Variants in ACBD7 observed in about 807,000 individuals in gnomAD.
ACBD7 encodes the protein acyl-CoA binding domain containing 7.
Under a neutral mutation model 13.7 loss-of-function variants are expected in ACBD7, and 11 were observed. The observed-to-expected ratio is 0.80, with a 90% CI of 0.50 to 1.33. The LOEUF (loss-of-function observed/expected upper bound fraction) is 1.33, where lower values mean the gene tolerates loss of function less well. Ranked by LOEUF, ACBD7 falls within the 40% of genes most tolerant of loss-of-function variation. The pLI, the probability that ACBD7 is intolerant of heterozygous loss-of-function variation, is 0.00. For missense variants in ACBD7, 111 were observed against 103.0 expected, an observed-to-expected ratio of 1.08 and a Z score of -0.33; for synonymous variants, 43 against 37.7, an observed-to-expected ratio of 1.14 and a Z score of -0.51.
intron 1 of ACBD7, among the ~76,000 whole-genome samples, chr10:15,086,580 C>CA (rs1321303555): frequency 6.6e-6 from 1 of 152,018 alleles, no homozygotes; most frequent in East Asian, 1.9e-4. Flanking sequence ...ATAAGTCACG[C>CA]ACAAGAATAT....
intron 1 of ACBD7, among the ~76,000 whole-genome samples, chr10:15,082,622 T>C (rs1351245330): frequency 6.6e-6 from 1 of 152,222 alleles, no homozygotes; most frequent in Non-Finnish European, 1.5e-5. Flanking sequence ...CCTTCCTCTG[T>C]AGGTTTATAG....
At chr10:15,088,657 C>G in intron 1 of ACBD7, 60 bp downstream of exon 1, 2 of 1,578,424 alleles carry the variant, frequency 1.3e-6, no homozygotes, top group Non-Finnish European at 1.7e-6. Flanking sequence ...CCCGGAGCCC[C>G]ACTTAAGCAC....
In ACBD7 at chr10:15,078,295, T is replaced by G; in HGVS notation, c.*235A>C. The G allele has an allele frequency of 1.5e-6, 2 of 1,308,688 alleles. No individual in the cohort carries two copies. Among genetic ancestry groups the G allele is most frequent in the Non-Finnish European group, 2.0e-6 (2 of 1,013,622 alleles). 81.1% of individuals were successfully genotyped at this position (1,308,688 alleles called of 1,614,324 possible). A position where few individuals can be genotyped will look rare whatever the true frequency, so the allele number is the denominator to read the frequency against. Reference sequence around the variant, plus strand: ...CATCCCTTTTTATGGCTCCATAGTATTCCATGGTGTATATGTGCCACATTT... The same window carrying G: ...CATCCCTTTTTATGGCTCCATAGTAGTCCATGGTGTATATGTGCCACATTT... On this transcript the variant is annotated 3_prime_UTR_variant, in exon 4 of 4. Transcript: ENST00000356189.
chr10:15,084,332 C>G (rs536655182), intron 1 of ACBD7, among the ~76,000 whole-genome samples: 1 of 152,270 alleles, frequency 6.6e-6, no homozygotes, highest in Admixed American at 6.5e-5. Context: ...AACGAGCGAG[C>G]AGACTTTAGG....
At position 15,075,703 on chromosome 10, in the gene ACBD7, G is replaced by A. The variant is rs1319639809; in HGVS notation, c.*2827C>T. On this transcript the variant is annotated 3_prime_UTR_variant, in exon 4 of 4. Transcript: ENST00000356189. Reference sequence around the variant, plus strand: ...CTTTCAAGAATCCTGGCTGGACGCGGTGGCTCATGCCTATAGTCTCAGCAC... The same window carrying A: ...CTTTCAAGAATCCTGGCTGGACGCGATGGCTCATGCCTATAGTCTCAGCAC... Among the ~76,000 whole-genome samples the A allele has an allele frequency of 6.6e-6, 1 of 152,142 alleles. No homozygotes were observed. Among genetic ancestry groups the A allele is most frequent in the Non-Finnish European group, 1.5e-5 (1 of 68,020 alleles).
At chr10:15,088,560 C>A (rs1844835767) in intron 1 of ACBD7, 157 bp downstream of exon 1, 2 of 1,000,888 alleles carry the variant, frequency 2.0e-6, no homozygotes, top group Non-Finnish European at 2.8e-6. Context: ...GGCACAGGTG[C>A]GGTCTACACT....
intron 1 of ACBD7, among the ~76,000 whole-genome samples, chr10:15,086,439 C>T (rs1482520045): frequency 6.6e-6 from 1 of 152,202 alleles, no homozygotes; most frequent in Admixed American, 6.5e-5. Flanking sequence ...CTTAATTCCT[C>T]GTTGCAAGTA....
intron 1 of ACBD7, among the ~76,000 whole-genome samples, chr10:15,087,734 C>A (rs999517144): frequency 6.6e-6 from 1 of 151,394 alleles, no homozygotes; most frequent in Non-Finnish European, 1.5e-5. Context: ...GCTGAGATTG[C>A]ACCACTGCAC....
At chr10:15,084,512 C>G (rs1844786952) in intron 1 of ACBD7, among the ~76,000 whole-genome samples, 2 of 152,158 alleles carry the variant, frequency 1.3e-5, no homozygotes, top group Non-Finnish European at 1.5e-5. Flanking sequence ...GCAACAAAAG[C>G]CGAGATTTAC....
At chr10:15,088,055 C>T (rs1400560558) in intron 1 of ACBD7, among the ~76,000 whole-genome samples, 3 of 151,272 alleles carry the variant, frequency 2.0e-5, no homozygotes, top group Non-Finnish European at 2.9e-5. Flanking sequence ...TGAGAAAATG[C>T]TCATATTACT....
chr10:15,076,722 TCGA>T lies in ACBD7; in HGVS notation c.*1805_*1807del. 1 of 911,136 alleles carries T rather than the reference TCGA, an allele frequency of 1.1e-6. No individual in the cohort carries two copies. The highest frequency in any genetic ancestry group is 1.3e-6 in the Non-Finnish European group (1 of 762,578). 56.4% of individuals were successfully genotyped at this position (911,136 alleles called of 1,614,324 possible). ...TTTTGCAATGTTGGTCAGGCTGGTC[TCGA>T]ACTTCTGACCTCAGTAATCCACCTA... is the stretch of plus-strand genomic sequence containing the variant. On this transcript the variant is annotated 3_prime_UTR_variant, in exon 4 of 4. Transcript: ENST00000356189.
chr10:15,086,391 C>A (rs1020643971), intron 1 of ACBD7, among the ~76,000 whole-genome samples: 11 of 152,116 alleles, frequency 7.2e-5, no homozygotes, highest in African/African-American at 2.7e-4. Flanking sequence ...GATGTTAATA[C>A]TTCTTAGCAT....
rs1491536713 is a variant in ACBD7, at chr10:15,079,267, T to TC, written c.13-228dup. ...AATACAGAAAATGTTCGGTTTAACT[T>TC]CTTTTTTTTTTTTTTTTTTTGAGCC... On this transcript the variant is annotated intron_variant, in intron 1 of 3. Transcript: ENST00000356189. Among the ~76,000 whole-genome samples the TC allele has an allele frequency of 6.4e-4, 78 of 121,622 alleles. 2 individuals carry two copies. The East Asian group carries it at 0.02, about 31-fold the overall frequency. 79.8% of individuals were successfully genotyped at this position (121,622 alleles called of 152,430 possible).
chr10:15,078,238 C>A lies in ACBD7; in HGVS notation c.*292G>T. The A allele has an allele frequency of 1.5e-6, 1 of 657,292 alleles. No homozygotes were observed. Among genetic ancestry groups the A allele is most frequent in the Non-Finnish European group, 2.0e-6 (1 of 496,692 alleles). 40.7% of individuals were successfully genotyped at this position (657,292 alleles called of 1,614,324 possible). On this transcript the variant is annotated 3_prime_UTR_variant, in exon 4 of 4. Transcript: ENST00000356189. Reference sequence around the variant, plus strand: ...GTTTGCTGAGAATGATGGTTTCCAGCTTCATCCATGTCCCTGCAAAGGACA... The same window carrying A: ...GTTTGCTGAGAATGATGGTTTCCAGATTCATCCATGTCCCTGCAAAGGACA...
rs967160837 is a variant in ACBD7 at position 15,075,590 on chromosome 10, T to A, written c.*2940A>T. Among the ~76,000 whole-genome samples the A allele has an allele frequency of 2.0e-5, 3 of 152,154 alleles. No homozygotes were observed. Among genetic ancestry groups the A allele is most frequent in the Admixed American group, 6.6e-5 (1 of 15,260 alleles). On this transcript the variant is annotated 3_prime_UTR_variant, in exon 4 of 4. Transcript: ENST00000356189. ...GACAGAACATTCCATCACTGCAGGATCATCCCTCCTGCTGCCCTTTTAAAG... is the reference window on the plus strand; with the variant it reads ...GACAGAACATTCCATCACTGCAGGAACATCCCTCCTGCTGCCCTTTTAAAG...
At position 15,079,009 on chromosome 10, in the gene ACBD7, C is replaced by G. The variant is rs375684007; in HGVS notation, c.44G>C (p.Arg15Thr). 7 of 1,609,448 alleles carry G rather than the reference C, an allele frequency of 4.3e-6. No individual in the cohort carries two copies. The highest frequency in any genetic ancestry group is 5.1e-6 in the Non-Finnish European group (6 of 1,177,678). Residue 15 changes from arginine (R) to threonine (T), a missense_variant, in exon 2 of 4, where the codon AGG (arginine) becomes ACG (threonine). Coordinates refer to ENST00000356189, the MANE Select transcript of ACBD7 (RefSeq NM_001039844.3). Reference sequence around the variant, plus strand: ...ATCATCTGGTCTTGCTTTCAGCTTCCTCACATCTTCTGCAGCCCTGTCAAA... The same window carrying G: ...ATCATCTGGTCTTGCTTTCAGCTTCGTCACATCTTCTGCAGCCCTGTCAAA... ...ADFDRAAEDV[R>T]KLKARPDDGE...
rs371259194 is a variant in ACBD7, at chr10:15,078,944, T to C, written c.109A>G (p.Ile37Val). Residue 37 changes from isoleucine (I) to valine (V), a missense_variant, in exon 2 of 4, where the codon ATA becomes GTA. Coordinates refer to ENST00000356189, the MANE Select transcript of ACBD7 (RefSeq NM_001039844.3). Reference sequence around the variant, plus strand: ...ATACCAATATTAATGTCTCCAACTATTGCTTGTTTGTAAAGCCCATAGAGT... The same window carrying C: ...ATACCAATATTAATGTCTCCAACTACTGCTTGTTTGTAAAGCCCATAGAGT... ...KELYGLYKQA[I>V]VGDINIACPG... The C allele has an allele frequency of 4.5e-6, 7 of 1,572,010 alleles. No individual in the cohort carries two copies. The highest frequency in any genetic ancestry group is 1.7e-6 in the Non-Finnish European group (2 of 1,157,486).
At chr10:15,084,729 G>A (rs1471846443) in intron 1 of ACBD7, among the ~76,000 whole-genome samples, 2 of 152,202 alleles carry the variant, frequency 1.3e-5, no homozygotes, top group East Asian at 3.8e-4. Flanking sequence ...CTTGGCTCAC[G>A]ATCAGTCTGA....
chr10:15,087,824 A>C (rs1315915857), intron 1 of ACBD7, among the ~76,000 whole-genome samples: 3 of 151,026 alleles, frequency 2.0e-5, no homozygotes, highest in African/African-American at 4.9e-5. Flanking sequence ...AAAAAAAAAA[A>C]AAAAATTACA....
Sources: gnomAD v4.1 joint callset for allele counts (sites outside exome capture counted in the v4.1 genomes callset) on GRCh38, gnomAD v4.1.1 for gene constraint, MANE v1.5 for transcripts, NCBI Gene and HGNC (gene_info 2026-07-23, HGNC 2026-07-21) for gene names.